Variants in ITIH5 observed in about 807,000 individuals in gnomAD.
ITIH5 encodes inter-alpha-trypsin inhibitor heavy chain H5.
In ITIH5, 65 loss-of-function variants were observed where a neutral mutation model predicts 77.5. The ratio of observed to expected loss-of-function variants is 0.84; its 90% CI spans 0.69 to 1.03. ITIH5 has a LOEUF of 1.03. ITIH5 is among the 50% of genes least tolerant of loss of function. The pLI is 0.00. For missense variants in ITIH5, 1,208 were observed against 1,213.1 expected (o/e 1.00, Z 0.06); for synonymous variants, 525 against 494.3 (o/e 1.06, Z -0.82).
chr10:7,579,008 C>G (rs367624858), intron 9 of ITIH5, among the ~76,000 whole-genome samples: 12 of 152,336 alleles, frequency 7.9e-5, no homozygotes, highest in African/African-American at 2.9e-4. Context: ...TAACAGTACT[C>G]TGCTACTTGC....
chr10:7,571,472 A>T (rs1024438901), intron 11 of ITIH5: 1 of 152,100 alleles, frequency 6.6e-6, no homozygotes, highest in Non-Finnish European at 1.5e-5. Flanking sequence ...GCTGGAGTGC[A>T]ATGGTGCAAT....
At chr10:7,586,712 T>C (rs1431652147) in intron 7 of ITIH5, among the ~76,000 whole-genome samples, 2 of 152,058 alleles carry the variant, frequency 1.3e-5, no homozygotes, top group Non-Finnish European at 2.9e-5. Context: ...GCCCAAATAA[T>C]AAATACCATA....
At chr10:7,607,528 C>A (rs1833149251) in intron 7 of ITIH5, among the ~76,000 whole-genome samples, 1 of 152,162 alleles carries the variant, frequency 6.6e-6, no homozygotes, top group Non-Finnish European at 1.5e-5. Context: ...AAAAATGAAT[C>A]TTCAGCCTGG....
rs902466156 is a variant in ITIH5, at chr10:7,624,400, G to A, written c.653-7118C>T. Among the ~76,000 whole-genome samples, 5 of 152,008 alleles carry A rather than the reference G, an allele frequency of 3.3e-5. No homozygotes were observed. The South Asian group carries it at 6.2e-4, about 19-fold the overall frequency. On this transcript the variant is annotated intron_variant, in intron 5 of 13. Coordinates refer to ENST00000397146, the MANE Select transcript of ITIH5 (RefSeq NM_030569.7). ...CGCATGCCTGTAATCCTAGATACTC[G>A]GGAGGCTGAGGCAGGAGAATCACTT... is the stretch of plus-strand genomic sequence containing the variant.
intron 11 of ITIH5, chr10:7,570,046 T>TC: frequency 3.2e-6 from 1 of 316,542 alleles, no homozygotes; most frequent in Non-Finnish European, 5.8e-6. Flanking sequence ...ACACCTCAGC[T>TC]CAGTCTAGAC....
At chr10:7,583,723 A>G (rs1036816728) in intron 8 of ITIH5, among the ~76,000 whole-genome samples, 1 of 152,104 alleles carries the variant, frequency 6.6e-6, no homozygotes, top group Admixed American at 6.5e-5. Context: ...TCTTGTCTCT[A>G]TTCAGCAATG....
At chr10:7,612,570 C>G (rs1833269749) in intron 7 of ITIH5, among the ~76,000 whole-genome samples, 1 of 151,736 alleles carries the variant, frequency 6.6e-6, no homozygotes, top group Admixed American at 6.6e-5. Flanking sequence ...GGAATTCAGA[C>G]TGGTTGCAGT....
chr10:7,644,548 G>GATATATCACATATATATGAT (rs1443195043), intron 2 of ITIH5, among the ~76,000 whole-genome samples: 1 of 61,966 alleles, frequency 1.6e-5, no homozygotes, highest in Non-Finnish European at 3.1e-5. Flanking sequence ...ACATATATAT[G>GATATATCACATATATATGAT]ATATATCACA....
intron 7 of ITIH5, among the ~76,000 whole-genome samples, chr10:7,610,150 G>T (rs1446825140): frequency 7.4e-6 from 1 of 135,050 alleles, no homozygotes; most frequent in African/African-American, 2.8e-5. Context: ...TAGAAACCCT[G>T]CCTGACCCAA....
chr10:7,600,786 T>TG (rs1832999005), intron 7 of ITIH5, among the ~76,000 whole-genome samples: 1 of 152,150 alleles, frequency 6.6e-6, no homozygotes, highest in Non-Finnish European at 1.5e-5. Context: ...CCCTCATGGT[T>TG]GGGATCAGTG....
In ITIH5 at chr10:7,579,821, GAC is replaced by G. The variant is rs1832505278; in HGVS notation, c.1350_1351del (p.Ser451AlafsTer26). The stretch of plus-strand genomic sequence containing the variant: ...CCGTGTGAGGCCACAGTTCTCCAGC[GAC>G]AGTTTCTCCAGCAGCCTGAAGTCCA... On this transcript the variant is annotated frameshift_variant, in exon 9 of 14. Transcript: ENST00000397146. LOFTEE classifies it high-confidence loss of function. The G allele has an allele frequency of 6.2e-7, 1 of 1,613,850 alleles. No homozygotes were observed. Among genetic ancestry groups the G allele is most frequent in the Non-Finnish European group, 8.5e-7 (1 of 1,179,740 alleles).
rs574995825 is a variant in ITIH5 at position 7,635,880 on chromosome 10, T to C, written c.652+1348A>G. 2.0e-5 allele frequency among the ~76,000 whole-genome samples: 3 copies of C among 152,338 alleles called. No homozygotes were observed. In the East Asian group the frequency reaches 5.8e-4, roughly 29 times the overall value. On this transcript the variant is annotated intron_variant, in intron 5 of 13. Transcript: ENST00000397146. ...AATACCCTGGTCCAAGAAGACTTCC[T>C]GGGTCATTCTATGATTGTGCAGCCG...
chr10:7,578,027 C>A (rs1889525), intron 9 of ITIH5, among the ~76,000 whole-genome samples: 77,238 of 152,070 alleles, frequency 0.51, 20,086 homozygotes, highest in East Asian at 0.77. Flanking sequence ...TATTTGCTTA[C>A]AATCCATGCT....
At chr10:7,632,278 C>T (rs1283376428) in intron 5 of ITIH5, among the ~76,000 whole-genome samples, 1 of 152,114 alleles carries the variant, frequency 6.6e-6, no homozygotes, top group East Asian at 1.9e-4. Flanking sequence ...AGTGGATCAG[C>T]GGTTGCCTGG....
chr10:7,640,983 T>C (rs190388062), intron 3 of ITIH5, 128 bp from the exon 4 acceptor site: 10 of 742,362 alleles, frequency 1.3e-5, no homozygotes, highest in African/African-American at 3.5e-5. Flanking sequence ...AAGAATGCAT[T>C]CCAGACTAGG....
rs1832159449 is a variant in ITIH5, at chr10:7,566,406, A to G, written c.2151T>C (p.Gly717=). ...LRLVSDHRDS[G]VTVNGELIGA... is the part of the protein sequence containing the mutation. ...CAATTAACTCTCCGTTCACTGTGAC[A>G]CCTCAAAGGCCAAGGGGAAAAGAAG... Residue 717 remains glycine (G), a splice_region_variant and synonymous_variant, in exon 13 of 14, where the codon GGT becomes GGC. Transcript: ENST00000397146. 6.3e-7 allele frequency: 1 copy of G among 1,592,656 alleles called. No homozygotes were observed. The highest frequency in any genetic ancestry group is 8.6e-7 in the Non-Finnish European group (1 of 1,164,116).
intron 2 of ITIH5, among the ~76,000 whole-genome samples, chr10:7,644,781 CATATATATCAT>C (rs1373641223): frequency 1.6e-5 from 2 of 127,760 alleles, no homozygotes; most frequent in African/African-American, 3.4e-5. Context: ...ATATATATCA[CATATATATCAT>C]ATATATCATA....
At position 7,579,890 on chromosome 10, in the gene ITIH5, C is replaced by T; in HGVS notation, c.1283G>A (p.Arg428Gln). 1.9e-6 allele frequency: 3 copies of T among 1,614,202 alleles called. No individual in the cohort carries two copies. Among genetic ancestry groups the T allele is most frequent in the African/African-American group, 1.3e-5 (1 of 75,058 alleles). ...KILNNTREAA[R>Q]GQVCIFTIGI... is the part of the protein sequence containing the mutation. ...AATGGTGAAGATGCAGACTTGGCCTCGGGCGGCCTCTCGGGTGTTGTTGAG... is the reference window on the plus strand; with the variant it reads ...AATGGTGAAGATGCAGACTTGGCCTTGGGCGGCCTCTCGGGTGTTGTTGAG... Residue 428 changes from arginine (R) to glutamine (Q), a missense_variant, in exon 9 of 14, where the codon CGA becomes CAA. Arg to Gln is a conservative substitution (Grantham distance 43). Coordinates refer to ENST00000397146, the MANE Select transcript of ITIH5 (RefSeq NM_030569.7).
At chr10:7,588,287 G>A (rs1832722988) in intron 7 of ITIH5, among the ~76,000 whole-genome samples, 1 of 152,172 alleles carries the variant, frequency 6.6e-6, no homozygotes, top group South Asian at 2.1e-4. Flanking sequence ...GGGAGGCCGA[G>A]GTGGGTAGAT....
Sources: gnomAD v4.1 joint callset for allele counts (sites outside exome capture counted in the v4.1 genomes callset) on GRCh38, gnomAD v4.1.1 for gene constraint, MANE v1.5 for transcripts, NCBI Gene and HGNC (gene_info 2026-07-23, HGNC 2026-07-21) for gene names.